Variants in LDB2 observed in about 807,000 individuals in gnomAD.
The protein encoded by LDB2 is LIM domain-binding protein 2.
LDB2 carries 12 observed loss-of-function variants against 44.3 expected under a neutral mutation model. The ratio of observed to expected loss-of-function variants is 0.27; its 90% CI spans 0.17 to 0.44. The LOEUF (loss-of-function observed/expected upper bound fraction) is 0.44, where lower values mean the gene tolerates loss of function less well. Ranked by LOEUF, LDB2 falls within the 20% of genes least tolerant of loss-of-function variation. The probability of loss-of-function intolerance (pLI) is 1.00; values close to 1 mark genes in which losing one functional copy is unlikely to be tolerated. For missense variants in LDB2, 344 were observed against 473.5 expected, an observed-to-expected ratio of 0.73 and a Z score of 2.54; for synonymous variants, 164 against 174.8, an observed-to-expected ratio of 0.94 and a Z score of 0.49.
At chr4:16,824,904 G>A (rs1464703646) in intron 1 of LDB2, among the ~76,000 whole-genome samples, 1 of 152,232 alleles carries the variant, frequency 6.6e-6, no homozygotes, top group Non-Finnish European at 1.5e-5. Flanking sequence ...AGAGCCACAT[G>A]AGGGAGAGAT....
At chr4:16,571,821 T>C (rs1746629081) in intron 5 of LDB2, among the ~76,000 whole-genome samples, 1 of 152,238 alleles carries the variant, frequency 6.6e-6, no homozygotes, top group Admixed American at 6.5e-5. Flanking sequence ...TTGTTTTCTC[T>C]TAATTATGGT....
At chr4:16,558,204 G>C (rs899804313) in intron 5 of LDB2, among the ~76,000 whole-genome samples, 3 of 152,214 alleles carry the variant, frequency 2.0e-5, no homozygotes, top group African/African-American at 7.2e-5. Context: ...AACAAAGCTG[G>C]ATGGAGAATG....
Position 16,851,231 on chromosome 4 carries a change from G to A in LDB2, c.132+47123C>T, listed in dbSNP as rs576322768. On this transcript the variant is annotated intron_variant, in intron 1 of 7. Transcript: ENST00000304523. ...ATATCAACAGGCTTACAAAAGTTGT[G>A]AAAAATTAACATATGCTCTCACAAG... Among the ~76,000 whole-genome samples the A allele has an allele frequency of 3.3e-5, 5 of 152,044 alleles. No homozygotes were observed. The South Asian group carries it at 1.0e-3, about 32-fold the overall frequency.
chr4:16,563,810 A>T (rs181687806), intron 5 of LDB2, among the ~76,000 whole-genome samples: 1 of 152,132 alleles, frequency 6.6e-6, no homozygotes, highest in African/African-American at 2.4e-5. Flanking sequence ...CAATCACACC[A>T]TGGCGGACCT....
At chr4:16,855,623 G>A (rs905993436) in intron 1 of LDB2, among the ~76,000 whole-genome samples, 2 of 152,010 alleles carry the variant, frequency 1.3e-5, no homozygotes, top group African/African-American at 4.8e-5. Flanking sequence ...AGTATTTATT[G>A]TCAATGACAA....
chr4:16,666,430 G>A (rs765267671), intron 2 of LDB2, among the ~76,000 whole-genome samples: 12 of 152,182 alleles, frequency 7.9e-5, no homozygotes, highest in Non-Finnish European at 1.8e-4. Context: ...GCCTCACAAC[G>A]GTAGTGACTC....
Position 16,629,048 on chromosome 4 carries a change from G to C in LDB2, c.236-33173C>G, listed in dbSNP as rs1196700626. Among the ~76,000 whole-genome samples the C allele has an allele frequency of 5.9e-5, 9 of 152,298 alleles. No individual in the cohort carries two copies. The East Asian group carries it at 1.7e-3, about 29-fold the overall frequency. On this transcript the variant is annotated intron_variant, in intron 2 of 7. Transcript: ENST00000304523. ...GACCTGGGATGCTGAAGCTTGGTTG[G>C]GGGAGGGGCATCCGCCATTGCTGAG... is the stretch of plus-strand genomic sequence containing the variant.
At chr4:16,656,331 C>T (rs902146359) in intron 2 of LDB2, among the ~76,000 whole-genome samples, 4 of 152,162 alleles carry the variant, frequency 2.6e-5, no homozygotes, top group Admixed American at 2.0e-4. Context: ...AGTAGAAAAG[C>T]AGGGAGTCAG....
intron 1 of LDB2, among the ~76,000 whole-genome samples, chr4:16,789,540 A>G (rs1421930623): frequency 6.6e-6 from 1 of 152,182 alleles, no homozygotes; most frequent in African/African-American, 2.4e-5. Flanking sequence ...GTAGCTGCAA[A>G]CAACAATAAT....
intron 2 of LDB2, among the ~76,000 whole-genome samples, chr4:16,632,268 G>T (rs1217802449): frequency 6.6e-6 from 1 of 152,150 alleles, no homozygotes; most frequent in Non-Finnish European, 1.5e-5. Flanking sequence ...GGGATGCAAG[G>T]CTGGTTCAAC....
intron 1 of LDB2, among the ~76,000 whole-genome samples, chr4:16,883,678 T>C (rs1034095255): frequency 3.9e-5 from 6 of 152,190 alleles, no homozygotes; most frequent in Admixed American, 6.5e-5. Flanking sequence ...CCTTCTCCCT[T>C]GCCTCCCTGC....
chr4:16,772,650 C>G (rs866717052), intron 1 of LDB2, among the ~76,000 whole-genome samples: 52 of 152,178 alleles, frequency 3.4e-4, no homozygotes, highest in Middle Eastern at 6.8e-3. Flanking sequence ...GGACTCCATC[C>G]AAAGGACATA....
chr4:16,573,779 T>A (rs1747425529), intron 5 of LDB2, among the ~76,000 whole-genome samples: 1 of 152,182 alleles, frequency 6.6e-6, no homozygotes, highest in African/African-American at 2.4e-5. Context: ...TCCAGCCTAC[T>A]GTGACTACCA....
intron 2 of LDB2, chr4:16,674,293 C>T: frequency 3.9e-6 from 5 of 1,287,138 alleles, no homozygotes; most frequent in South Asian, 1.2e-5. Flanking sequence ...TTGCAGTTTC[C>T]TCTGGCATCT....
At chr4:16,789,749 G>A (rs1264943920) in intron 1 of LDB2, among the ~76,000 whole-genome samples, 1 of 152,162 alleles carries the variant, frequency 6.6e-6, no homozygotes, top group Non-Finnish European at 1.5e-5. Context: ...GGCCAATATG[G>A]TGAAACCCCA....
Position 16,533,037 on chromosome 4 carries a change from G to T in LDB2, c.616-20933C>A, listed in dbSNP as rs1383276567. ...AATGAGGAGTTAGGGGATGGAATTAGTGTGACCAACTTGCTTCAGTTTGCT... is the reference window on the plus strand; with the variant it reads ...AATGAGGAGTTAGGGGATGGAATTATTGTGACCAACTTGCTTCAGTTTGCT... On this transcript the variant is annotated intron_variant, in intron 5 of 7. Transcript: ENST00000304523. The surrounding 1 kb of genome is among the most constrained non-coding windows in gnomAD (Gnocchi z 4.1). 6.6e-6 allele frequency among the ~76,000 whole-genome samples: 1 copy of T among 152,186 alleles called. No homozygotes were observed. The highest frequency in any genetic ancestry group is 1.5e-5 in the Non-Finnish European group (1 of 68,046).
At chr4:16,880,653 C>T (rs555777801) in intron 1 of LDB2, among the ~76,000 whole-genome samples, 72 of 152,124 alleles carry the variant, frequency 4.7e-4, no homozygotes, top group Non-Finnish European at 8.8e-4. Flanking sequence ...GTGTCCTCTG[C>T]TGCTGATACA....
chr4:16,832,177 G>C (rs1226260137), intron 1 of LDB2, among the ~76,000 whole-genome samples: 3 of 152,156 alleles, frequency 2.0e-5, no homozygotes, highest in African/African-American at 7.2e-5. Flanking sequence ...GCTATGTTCT[G>C]GGTATTGTGG....
chr4:16,613,131 T>G (rs756225426), intron 2 of LDB2, among the ~76,000 whole-genome samples: 15 of 152,216 alleles, frequency 9.9e-5, no homozygotes, highest in Non-Finnish European at 7.3e-5. Flanking sequence ...TTTCAATAGA[T>G]GCAGAAAAGG....
Sources: allele counts gnomAD v4.1 joint callset (sites outside exome capture counted in the v4.1 genomes callset), GRCh38; gene constraint gnomAD v4.1.1; non-coding constraint Gnocchi (gnomAD v3.1); transcripts MANE v1.5; gene names NCBI Gene and HGNC (gene_info 2026-07-23, HGNC 2026-07-21).